Variants in DNAH12 observed in about 807,000 individuals in gnomAD.
DNAH12 encodes the protein axonemal beta dynein heavy chain 12.
A neutral mutation model predicts 371.5 loss-of-function variants in DNAH12; 285 were observed. The ratio of observed to expected loss-of-function variants is 0.77; its 90% CI spans 0.70 to 0.85. The LOEUF (loss-of-function observed/expected upper bound fraction) is 0.85. Ranked by LOEUF, DNAH12 falls within the 40% of genes least tolerant of loss-of-function variation. The probability of loss-of-function intolerance (pLI) is 0.00; values close to 1 mark genes in which losing one functional copy is unlikely to be tolerated. For missense variants in DNAH12, 3,611 were observed against 3,689.4 expected (o/e 0.98, Z 0.55); for synonymous variants, 1,200 against 1,213.0 (o/e 0.99, Z 0.22).
intron 32 of DNAH12, among the ~76,000 whole-genome samples, chr3:57,432,981 G>A (rs2065000440): frequency 6.6e-6 from 1 of 152,012 alleles, no homozygotes; most frequent in Non-Finnish European, 1.5e-5. Flanking sequence ...TAGCGCCGAA[G>A]GTGATATACT....
intron 57 of DNAH12, among the ~76,000 whole-genome samples, chr3:57,365,500 G>A (rs2063031411): frequency 6.6e-6 from 1 of 152,110 alleles, no homozygotes. Context: ...AATAGCTAAT[G>A]CATGCTGGGC....
At chr3:57,531,269 T>A (rs2068836474) in intron 2 of DNAH12, among the ~76,000 whole-genome samples, 1 of 152,226 alleles carries the variant, frequency 6.6e-6, no homozygotes, top group Non-Finnish European at 1.5e-5. Context: ...TCTTTCATGT[T>A]TAAAGCATAT....
chr3:57,449,228 C>G (rs1466644121), intron 25 of DNAH12, among the ~76,000 whole-genome samples: 1 of 152,228 alleles, frequency 6.6e-6, no homozygotes, highest in Non-Finnish European at 1.5e-5. Flanking sequence ...AATCCCTGAG[C>G]TAGACATAAA....
chr3:57,530,457 A>G, intron 2 of DNAH12: 1 of 713,356 alleles, frequency 1.4e-6, no homozygotes, highest in South Asian at 1.5e-5. Flanking sequence ...GATACATGCC[A>G]GATGCTTGCC....
chr3:57,368,618 T>C (rs2063101874), intron 55 of DNAH12, among the ~76,000 whole-genome samples: 1 of 152,164 alleles, frequency 6.6e-6, no homozygotes. Context: ...GTTAACATAA[T>C]ATGAAAATAA....
chr3:57,455,334 G>A (rs1187296630), intron 22 of DNAH12, among the ~76,000 whole-genome samples: 1 of 151,892 alleles, frequency 6.6e-6, no homozygotes, highest in Non-Finnish European at 1.5e-5. Context: ...GGAGGCCGAG[G>A]CAATGGATCA....
At chr3:57,406,894 C>CA (rs1366556125) in intron 40 of DNAH12, among the ~76,000 whole-genome samples, 7 of 151,848 alleles carry the variant, frequency 4.6e-5, no homozygotes, top group Admixed American at 2.6e-4. Flanking sequence ...AAAAGGAAAA[C>CA]AAAAAAACTT....
intron 29 of DNAH12, among the ~76,000 whole-genome samples, chr3:57,438,160 A>AC (rs2065188081): frequency 6.6e-6 from 1 of 151,666 alleles, no homozygotes. Flanking sequence ...CATACAAAAA[A>AC]ATCAGCCAGG....
intron 2 of DNAH12, among the ~76,000 whole-genome samples, chr3:57,525,849 G>C (rs778970761): frequency 5.6e-5 from 7 of 124,932 alleles, no homozygotes; most frequent in Non-Finnish European, 1.1e-4. Context: ...CAAAACCTCT[G>C]CCACCCAGTT....
intron 62 of DNAH12, among the ~76,000 whole-genome samples, chr3:57,331,709 T>C (rs1474603190): frequency 6.6e-6 from 1 of 151,804 alleles, no homozygotes; most frequent in African/African-American, 2.4e-5. Context: ...ATGGTGTAGG[T>C]GAAGTGACTT....
chr3:57,520,150 T>G, intron 4 of DNAH12: 1 of 413,714 alleles, frequency 2.4e-6, no homozygotes, highest in Non-Finnish European at 4.5e-6. Context: ...TTCGCTCTTG[T>G]CGCCCAGACT....
chr3:57,509,324 A>G, intron 5 of DNAH12, 112 bp from the exon 6 acceptor site: 1 of 1,028,548 alleles, frequency 9.7e-7, no homozygotes, highest in Non-Finnish European at 1.4e-6. Flanking sequence ...ATTAAAAGGA[A>G]TGTAAGAAAA....
intron 2 of DNAH12, among the ~76,000 whole-genome samples, chr3:57,528,077 G>T (rs1408720334): frequency 6.6e-6 from 1 of 151,992 alleles, no homozygotes; most frequent in Non-Finnish European, 1.5e-5. Context: ...TGCCCAGGCG[G>T]GAGGGCAATG....
chr3:57,373,224 G>T (rs1421894663), intron 55 of DNAH12, among the ~76,000 whole-genome samples: 1 of 152,048 alleles, frequency 6.6e-6, no homozygotes, highest in Non-Finnish European at 1.5e-5. Context: ...TAGACCTAAG[G>T]TGAATATTTG....
At chr3:57,461,715 C>T (rs367811052) in intron 18 of DNAH12, 26 bp from the exon 19 acceptor site, 12 of 1,529,834 alleles carry the variant, frequency 7.8e-6, no homozygotes, top group African/African-American at 2.8e-5. Flanking sequence ...GAAGAAAGAA[C>T]GGGATGGTGA....
chr3:57,348,138 A>G (rs1428268139), intron 60 of DNAH12, among the ~76,000 whole-genome samples: 1 of 152,238 alleles, frequency 6.6e-6, no homozygotes, highest in Non-Finnish European at 1.5e-5. Context: ...TAGGTTAATG[A>G]ATAAACTGTG....
At chr3:57,545,807 G>T (rs2069536330), upstream of DNAH12, among the ~76,000 whole-genome samples, 1 of 152,054 alleles carries the variant, frequency 6.6e-6, no homozygotes, top group South Asian at 2.1e-4. Context: ...AGCCCATTTG[G>T]ACAAAAACTT....
rs927187597 is a variant in DNAH12 at position 57,483,393 on chromosome 3, A to C, written c.1633T>G (p.Leu545Val). The C allele has an allele frequency of 5.8e-6, 9 of 1,544,842 alleles. No individual in the cohort carries two copies. Among genetic ancestry groups the C allele is most frequent in the Non-Finnish European group, 7.0e-6 (8 of 1,145,604 alleles). The change falls in exon 13 of 74, where the codon TTG becomes GTG. Residue 545 changes from leucine to valine, a missense_variant. Coordinates refer to ENST00000495027, the MANE Select transcript of DNAH12 (RefSeq NM_001366028.2). ...TTCCTTACCTGGATCCTTAAAATCA[A>C]CTCTTCGATTCCTACAGTCCGGGCT... is the stretch of plus-strand genomic sequence containing the variant. ...EKARTVGIEE[L>V]ILRIQESKRQ...
chr3:57,428,304 T>C, intron 34 of DNAH12: 1 of 1,022,782 alleles, frequency 9.8e-7, no homozygotes, highest in Non-Finnish European at 1.3e-6. Flanking sequence ...AGTTTTCTCA[T>C]AAAATACTAA....
Sources: gnomAD v4.1 joint callset for allele counts (sites outside exome capture counted in the v4.1 genomes callset) on GRCh38, gnomAD v4.1.1 for gene constraint, MANE v1.5 for transcripts, NCBI Gene and HGNC (gene_info 2026-07-23, HGNC 2026-07-21) for gene names.